Variants in IMMP2L observed in about 807,000 individuals in gnomAD.
The protein encoded by IMMP2L is mitochondrial inner membrane protease subunit 2.
In IMMP2L, 18 loss-of-function variants were observed where a neutral mutation model predicts 19.3. That is an observed-to-expected ratio of 0.93 (90% CI 0.64 to 1.38). The LOEUF is 1.38. IMMP2L is among the 40% of genes most tolerant of loss of function. IMMP2L has a pLI of 0.00. For missense variants in IMMP2L, 233 were observed against 218.2 expected, an observed-to-expected ratio of 1.07 and a Z score of -0.43; for synonymous variants, 76 against 73.0, an observed-to-expected ratio of 1.04 and a Z score of -0.21.
At chr7:111,242,314 TC>T (rs1041406431) in intron 3 of IMMP2L, among the ~76,000 whole-genome samples, 7 of 152,064 alleles carry the variant, frequency 4.6e-5, no homozygotes, top group African/African-American at 1.7e-4. Flanking sequence ...TCCAATCTCT[TC>T]CAACGTTATT....
intron 3 of IMMP2L, among the ~76,000 whole-genome samples, chr7:111,184,820 G>T (rs1808090945): frequency 6.6e-6 from 1 of 151,844 alleles, no homozygotes; most frequent in Admixed American, 6.6e-5. Flanking sequence ...TCTGAATTTA[G>T]GAGTATTCAA....
At chr7:111,061,295 G>A (rs1256708215) in intron 3 of IMMP2L, among the ~76,000 whole-genome samples, 1 of 152,152 alleles carries the variant, frequency 6.6e-6, no homozygotes, top group Non-Finnish European at 1.5e-5. Flanking sequence ...ATATACTAGT[G>A]AGAAGGTGAT....
intron 4 of IMMP2L, among the ~76,000 whole-genome samples, chr7:110,959,411 A>C (rs530815823): frequency 2.0e-5 from 3 of 151,902 alleles, no homozygotes; most frequent in Non-Finnish European, 4.4e-5. Flanking sequence ...TGGCATTTTA[A>C]AAAAATTGAG....
At chr7:110,750,191 T>G (rs1176359361) in intron 5 of IMMP2L, among the ~76,000 whole-genome samples, 1 of 152,140 alleles carries the variant, frequency 6.6e-6, no homozygotes, top group Non-Finnish European at 1.5e-5. Context: ...TTACAGCTTC[T>G]ACTCACTGAT....
At chr7:110,907,082 C>T (rs140498493) in intron 4 of IMMP2L, among the ~76,000 whole-genome samples, 23 of 152,098 alleles carry the variant, frequency 1.5e-4, no homozygotes, top group Non-Finnish European at 3.2e-4. Context: ...GGGGTGCCCA[C>T]GACCCCTGAA....
At chr7:111,318,628 A>G (rs1052723393) in intron 3 of IMMP2L, among the ~76,000 whole-genome samples, 2 of 152,104 alleles carry the variant, frequency 1.3e-5, no homozygotes, top group South Asian at 4.1e-4. Flanking sequence ...TCTGAGGTGC[A>G]ATGGCAAACT....
At chr7:111,402,471 G>A (rs1833511021) in intron 3 of IMMP2L, among the ~76,000 whole-genome samples, 1 of 152,024 alleles carries the variant, frequency 6.6e-6, no homozygotes. Context: ...AGCACTTTGG[G>A]AGGCTGAGGC....
At chr7:111,492,863 T>C (rs1843225210) in intron 2 of IMMP2L, among the ~76,000 whole-genome samples, 1 of 152,100 alleles carries the variant, frequency 6.6e-6, no homozygotes, top group Admixed American at 6.5e-5. Flanking sequence ...CCTCCACAAG[T>C]TTAAATTAGC....
intron 1 of IMMP2L, among the ~76,000 whole-genome samples, chr7:111,547,896 A>C (rs545615780): frequency 6.6e-6 from 1 of 151,802 alleles, no homozygotes; most frequent in South Asian, 2.1e-4. Context: ...AATTTTTTGT[A>C]TTTTTGGGAG....
intron 2 of IMMP2L, among the ~76,000 whole-genome samples, chr7:111,503,984 G>A (rs1844605805): frequency 6.6e-6 from 1 of 152,078 alleles, no homozygotes; most frequent in South Asian, 2.1e-4. Flanking sequence ...AATCAGGCAG[G>A]AGAAGGAAAT....
At chr7:110,665,579 C>T (rs1055003096) in intron 5 of IMMP2L, among the ~76,000 whole-genome samples, 18 of 152,110 alleles carry the variant, frequency 1.2e-4, no homozygotes, top group African/African-American at 3.1e-4. Context: ...TATTTTGCTT[C>T]GGTTTACATT....
intron 3 of IMMP2L, among the ~76,000 whole-genome samples, chr7:111,012,680 A>T (rs1384819135): frequency 6.6e-6 from 1 of 152,200 alleles, no homozygotes; most frequent in Non-Finnish European, 1.5e-5. Flanking sequence ...AGTTTTAGGT[A>T]AGTTAGGGTG....
Position 110,993,827 on chromosome 7 carries a change from C to T in IMMP2L, c.240-30262G>A, listed in dbSNP as rs140046535. 1.5e-3 allele frequency among the ~76,000 whole-genome samples: 225 copies of T among 152,186 alleles called. 1 individual carries two copies. Among genetic ancestry groups the T allele is most frequent in the Non-Finnish European group, 2.5e-3 (173 of 67,992 alleles). On this transcript the variant is annotated intron_variant, in intron 3 of 5. Transcript: ENST00000405709. ...AACAAAATCAGCCCCTCCTGACTTC[C>T]CCATCGCTCTTGATGAACACACTCT...
intron 2 of IMMP2L, among the ~76,000 whole-genome samples, chr7:111,513,291 T>C (rs572492280): frequency 6.6e-6 from 1 of 152,022 alleles, no homozygotes; most frequent in Non-Finnish European, 1.5e-5. Context: ...GATTTTAAAA[T>C]AGGAAAAAGA....
chr7:110,809,958 T>G (rs73716440), intron 5 of IMMP2L, among the ~76,000 whole-genome samples: 1 of 151,996 alleles, frequency 6.6e-6, no homozygotes, highest in Admixed American at 6.6e-5. Flanking sequence ...AGCAGTAGCT[T>G]TGCATTATGA....
At chr7:110,823,706 A>G (rs916131459) in intron 5 of IMMP2L, among the ~76,000 whole-genome samples, 1 of 152,094 alleles carries the variant, frequency 6.6e-6, no homozygotes, top group Non-Finnish European at 1.5e-5. Flanking sequence ...TAGTAGCCCC[A>G]ACATACTTTG....
At chr7:111,549,750 G>T (rs1369682921) in intron 1 of IMMP2L, among the ~76,000 whole-genome samples, 1 of 152,024 alleles carries the variant, frequency 6.6e-6, no homozygotes, top group Non-Finnish European at 1.5e-5. Flanking sequence ...GACCAGCCTG[G>T]CCAATATAGT....
chr7:110,749,842 C>G (rs942295663), intron 5 of IMMP2L, among the ~76,000 whole-genome samples: 2 of 152,006 alleles, frequency 1.3e-5, no homozygotes, highest in Non-Finnish European at 2.9e-5. Flanking sequence ...CACATGTATA[C>G]CTATGTAACA....
intron 5 of IMMP2L, among the ~76,000 whole-genome samples, chr7:110,698,118 G>C (rs905092663): frequency 3.9e-5 from 6 of 152,142 alleles, no homozygotes; most frequent in Non-Finnish European, 8.8e-5. Flanking sequence ...AGCAGGGCCT[G>C]GGAATTAAAT....
Sources: allele counts gnomAD v4.1 joint callset (sites outside exome capture counted in the v4.1 genomes callset), GRCh38; gene constraint gnomAD v4.1.1; transcripts MANE v1.5; gene names NCBI Gene and HGNC (gene_info 2026-07-23, HGNC 2026-07-21).